The following AK9 variants were observed in gnomAD, a reference collection of about 807,000 sequenced individuals.
AK9 encodes adenylate kinase domain containing 1.
Under a neutral mutation model 239.6 loss-of-function variants are expected in AK9, and 191 were observed. The ratio of observed to expected loss-of-function variants is 0.80; its 90% CI spans 0.71 to 0.90. AK9 has a LOEUF of 0.90. Ranked by LOEUF, AK9 falls within the 40% of genes least tolerant of loss-of-function variation. AK9 has a pLI of 0.00. For synonymous variants in AK9, 689 were observed against 721.0 expected, an observed-to-expected ratio of 0.96 and a Z score of 0.71; for missense variants, 1,995 against 2,214.7, an observed-to-expected ratio of 0.90 and a Z score of 1.99.
chr6:109,616,568 T>A (rs548408522), intron 13 of AK9, among the ~76,000 whole-genome samples: 2 of 151,676 alleles, frequency 1.3e-5, no homozygotes, highest in Non-Finnish European at 2.9e-5. Context: ...GTAGAAATAA[T>A]GTCTCCCTTT....
In AK9 at chr6:109,675,445, T is replaced by C. The variant is rs139195832; in HGVS notation, c.117+184A>G. 1.2e-3 allele frequency among the ~76,000 whole-genome samples: 182 copies of C among 152,294 alleles called. 2 individuals carry two copies. Among genetic ancestry groups the C allele is most frequent in the Middle Eastern group, 3.4e-3 (1 of 294 alleles). On this transcript the variant is annotated intron_variant, in intron 2 of 40. Transcript: ENST00000424296. ...GTGTTGCGATGAGCATATGTGTGCATGTGTGCAAGAGATAGTTATGAATTT... is the reference window on the plus strand; with the variant it reads ...GTGTTGCGATGAGCATATGTGTGCACGTGTGCAAGAGATAGTTATGAATTT...
At chr6:109,638,989 T>C (rs1797060714) in intron 10 of AK9, among the ~76,000 whole-genome samples, 1 of 152,192 alleles carries the variant, frequency 6.6e-6, no homozygotes, top group African/African-American at 2.4e-5. Context: ...ACTCATCCTT[T>C]TTTATGGCTG....
rs71018357 is a variant in AK9 at position 109,627,133 on chromosome 6, C to CTTTT, written c.1254+5786_1254+5789dup. Among the ~76,000 whole-genome samples, 46 of 67,310 alleles carry CTTTT rather than the reference C, an allele frequency of 6.8e-4. 1 individual carries two copies. The highest frequency in any genetic ancestry group is 8.5e-4 in the Admixed American group (4 of 4,710). 44.2% of individuals were successfully genotyped at this position (67,310 alleles called of 152,430 possible). On this transcript the variant is annotated intron_variant, in intron 12 of 40. Transcript: ENST00000424296. ...TTTTTTCTATTTTTCGATGTTTAAG[C>CTTTT]TTTTTTTTTTTTTTTTTTTTTTTTT... is the stretch of plus-strand genomic sequence containing the variant.
At position 109,497,938 on chromosome 6, in the gene AK9, C is replaced by T. The variant is rs746832146; in HGVS notation, c.5074G>A (p.Val1692Met). Residue 1692 changes from valine to methionine, a missense_variant, in exon 37 of 41, where the codon GTG becomes ATG. By Grantham distance (21) the Val-to-Met change is conservative. This residue lies in a region of AK9 where 391 missense variants were observed against 456.0 expected (regional missense o/e 0.86). Transcript: ENST00000424296. ...NKFLENPELY[V>M]PPLAPHPLPS... Reference sequence around the variant, plus strand: ...AGTGGATGAGGTGCTAAGGGAGGCACGTACAATTCTGGGTTCTCCAAGAAT... The same window carrying T: ...AGTGGATGAGGTGCTAAGGGAGGCATGTACAATTCTGGGTTCTCCAAGAAT... 46 of 1,613,868 alleles carry T rather than the reference C, an allele frequency of 2.9e-5. No individual in the cohort carries two copies. Among genetic ancestry groups the T allele is most frequent in the South Asian group, 1.9e-4 (17 of 91,070 alleles).
rs1462420749 is a variant in AK9 at position 109,550,156 on chromosome 6, A to G, written c.2898T>C (p.Ser966=). The G allele has an allele frequency of 1.2e-6, 2 of 1,614,034 alleles. No homozygotes were observed. Among genetic ancestry groups the G allele is most frequent in the South Asian group, 2.2e-5 (2 of 91,084 alleles). ...CCAAAAACTTTTCTTTAGCCTCAGC[A>G]CTTGAAAAGTAGTAGATCTTTTCTC... ...KYREKIYYFS[S]AEAKEKFLEH... is the part of the protein sequence containing the mutation. Residue 966 remains serine (S), a synonymous_variant, in exon 25 of 41, where the codon AGT becomes AGC. Transcript: ENST00000424296.
At chr6:109,638,220 C>A (rs1345525034) in intron 10 of AK9, among the ~76,000 whole-genome samples, 3 of 152,128 alleles carry the variant, frequency 2.0e-5, no homozygotes, top group Non-Finnish European at 4.4e-5. Flanking sequence ...TTTATAGATA[C>A]TTTTTCTCTT....
intron 27 of AK9, among the ~76,000 whole-genome samples, chr6:109,539,610 G>A (rs1343092488): frequency 6.6e-6 from 1 of 152,214 alleles, no homozygotes; most frequent in African/African-American, 2.4e-5. Context: ...ACTTGTCAAA[G>A]TCATTCTCTG....
intron 8 of AK9, among the ~76,000 whole-genome samples, chr6:109,650,474 G>A (rs1244575751): frequency 6.6e-6 from 1 of 151,900 alleles, no homozygotes; most frequent in Admixed American, 6.6e-5. Context: ...ACAGACACAT[G>A]AAAAAATGAT....
Position 109,533,471 on chromosome 6 carries a change from C to A in AK9, c.3351-1G>T. The A allele has an allele frequency of 8.3e-6, 13 of 1,567,332 alleles. No individual in the cohort carries two copies. The highest frequency in any genetic ancestry group is 2.1e-5 in the Admixed American group (1 of 47,474). On this transcript the variant is annotated splice_acceptor_variant, in intron 27 of 40. Transcript: ENST00000424296. LOFTEE classifies it high-confidence loss of function. ...ACCATCTAATATAAAACCTGTGGAA[C>A]TGGTGGAAATTTTCATAATTTACTT...
chr6:109,548,236 A>G (rs912243046), intron 25 of AK9, among the ~76,000 whole-genome samples: 3 of 152,178 alleles, frequency 2.0e-5, no homozygotes, highest in Admixed American at 2.0e-4. Context: ...GCATGGATTC[A>G]CTTTTTTTTG....
rs754947598 is a variant in AK9, at chr6:109,497,977, G to T, written c.5047-12C>A. The T allele has an allele frequency of 1.9e-6, 3 of 1,611,726 alleles. No homozygotes were observed. The highest frequency in any genetic ancestry group is 2.5e-6 in the Non-Finnish European group (3 of 1,178,170). ...TTCTCCAAGAATTTCTATTAAAAAA[G>T]AATTCCAGTAGCAACATGATTTAAA... On this transcript the variant is annotated splice_polypyrimidine_tract_variant and intron_variant, in intron 36 of 40. Transcript: ENST00000424296.
At chr6:109,653,034 C>T (rs1398015360) in intron 8 of AK9, among the ~76,000 whole-genome samples, 1 of 152,050 alleles carries the variant, frequency 6.6e-6, no homozygotes, top group Non-Finnish European at 1.5e-5. Context: ...TCAAGTGAGT[C>T]TCCTGCCTCA....
intron 8 of AK9, among the ~76,000 whole-genome samples, chr6:109,653,557 T>A (rs1218509066): frequency 1.3e-5 from 2 of 152,190 alleles, no homozygotes; most frequent in African/African-American, 4.8e-5. Context: ...ATTGCAAACA[T>A]TTTTCCTTTC....
At chr6:109,658,176 C>T (rs1019955476) in intron 7 of AK9, among the ~76,000 whole-genome samples, 5 of 152,050 alleles carry the variant, frequency 3.3e-5, no homozygotes, top group African/African-American at 1.2e-4. Context: ...AGAATAGTTC[C>T]TACAAGTAGA....
intron 12 of AK9, among the ~76,000 whole-genome samples, chr6:109,629,737 A>C (rs563116125): frequency 4.6e-5 from 7 of 151,658 alleles, no homozygotes; most frequent in African/African-American, 1.5e-4. Flanking sequence ...GGTTCACGCC[A>C]TTCTCCTGCC....
chr6:109,683,335 G>T (rs960765067), intron 1 of AK9, among the ~76,000 whole-genome samples: 4 of 152,116 alleles, frequency 2.6e-5, no homozygotes, highest in South Asian at 4.1e-4. Flanking sequence ...TTGAAAACTG[G>T]CACAAAACAA....
chr6:109,515,427 A>G (rs577761939), intron 31 of AK9, among the ~76,000 whole-genome samples: 1 of 152,308 alleles, frequency 6.6e-6, no homozygotes, highest in Non-Finnish European at 1.5e-5. Flanking sequence ...CTACGTTTGA[A>G]TATCTTTTTA....
At chr6:109,513,700 C>G (rs1335485770) in intron 32 of AK9, among the ~76,000 whole-genome samples, 1 of 152,160 alleles carries the variant, frequency 6.6e-6, no homozygotes, top group African/African-American at 2.4e-5. Flanking sequence ...CACCTTTGAC[C>G]CACTTCCTTG....
At position 109,671,314 on chromosome 6, in the gene AK9, TCTC is replaced by T. The variant is rs368580919; in HGVS notation, c.331+602_331+604del. Among the ~76,000 whole-genome samples the T allele has an allele frequency of 2.6e-4, 39 of 152,364 alleles. No individual in the cohort carries two copies. In the East Asian group the frequency reaches 6.0e-3, roughly 23 times the overall value. On this transcript the variant is annotated intron_variant, in intron 5 of 40. Coordinates refer to ENST00000424296, the MANE Select transcript of AK9 (RefSeq NM_001145128.3). ...TTTATCCCAAACTTGTCATTATTCT[TCTC>T]CTCTTCTTTTGCAGAGGTATTAGAG...
Sources: gnomAD v4.1 joint callset for allele counts (sites outside exome capture counted in the v4.1 genomes callset) on GRCh38, gnomAD v4.1.1 for gene constraint, gnomAD v4.1.1 regional missense constraint, MANE v1.5 for transcripts, NCBI Gene and HGNC (gene_info 2026-07-23, HGNC 2026-07-21) for gene names.